MGAT4C: variants seen among roughly 807,000 people sequenced by gnomAD.
The protein encoded by MGAT4C is alpha-1,3-mannosyl-glycoprotein 4-beta-N-acetylglucosaminyltransferase C.
Under a neutral mutation model 40.1 loss-of-function variants are expected in MGAT4C, and 19 were observed. That is an observed-to-expected ratio of 0.47 (90% CI 0.33 to 0.70). The LOEUF is 0.70. Among genes scored for constraint, MGAT4C ranks in the 30% least tolerant of loss-of-function variants. The probability of loss-of-function intolerance (pLI) is 0.02; values close to 1 mark genes in which losing one functional copy is unlikely to be tolerated. For synonymous variants in MGAT4C, 181 were observed against 187.1 expected (o/e 0.97, Z 0.27); for missense variants, 491 against 563.2 (o/e 0.87, Z 1.30).
At chr12:86,561,325 G>T (rs990624633) in intron 2 of MGAT4C, among the ~76,000 whole-genome samples, 1 of 152,164 alleles carries the variant, frequency 6.6e-6, no homozygotes, top group Non-Finnish European at 1.5e-5. Context: ...TTGTTCCTGG[G>T]TGTGTCTGAG....
intron 2 of MGAT4C, among the ~76,000 whole-genome samples, chr12:86,630,130 C>T (rs370825410): frequency 5.3e-5 from 8 of 152,180 alleles, no homozygotes; most frequent in East Asian, 3.9e-4. Flanking sequence ...AACACCTCTA[C>T]GCAAATAGAC....
chr12:86,136,241 G>A (rs142151462), intron 1 of MGAT4C, among the ~76,000 whole-genome samples: 119 of 152,066 alleles, frequency 7.8e-4, no homozygotes, highest in Admixed American at 1.3e-3. Context: ...AAAAACAGGG[G>A]CTCTATTTGG....
At chr12:86,494,083 A>G (rs1017526991) in intron 2 of MGAT4C, among the ~76,000 whole-genome samples, 2 of 151,994 alleles carry the variant, frequency 1.3e-5, no homozygotes, top group African/African-American at 2.4e-5. Flanking sequence ...AAGATGTAAA[A>G]CCTTTCATTC....
intron 2 of MGAT4C, among the ~76,000 whole-genome samples, chr12:86,517,884 G>A (rs781554292): frequency 5.3e-5 from 8 of 152,072 alleles, no homozygotes; most frequent in Non-Finnish European, 1.0e-4. Context: ...TCCTGACCTC[G>A]TGATCTGCCT....
chr12:86,837,008 A>G (rs1037224402), intron 1 of MGAT4C, among the ~76,000 whole-genome samples: 3 of 152,164 alleles, frequency 2.0e-5, no homozygotes, highest in African/African-American at 7.2e-5. Context: ...TCTGAAAGTC[A>G]TAAGCCATCG....
At chr12:86,242,325 C>T (rs753718905) in intron 1 of MGAT4C, among the ~76,000 whole-genome samples, 2 of 152,142 alleles carry the variant, frequency 1.3e-5, no homozygotes, top group East Asian at 1.9e-4. Context: ...TCAGCTCACT[C>T]GCCACGAAGC....
intron 2 of MGAT4C, among the ~76,000 whole-genome samples, chr12:86,028,806 C>T (rs1007139224): frequency 6.6e-6 from 1 of 151,754 alleles, no homozygotes; most frequent in African/African-American, 2.4e-5. Context: ...AAAACAAAAG[C>T]ACTGAGAAAG....
At chr12:86,021,140 G>A (rs1313063658) in intron 2 of MGAT4C, among the ~76,000 whole-genome samples, 1 of 152,128 alleles carries the variant, frequency 6.6e-6, no homozygotes, top group African/African-American at 2.4e-5. Flanking sequence ...ACTGTTGGTT[G>A]GACTGTAAAC....
At chr12:86,158,115 A>G (rs1467097914) in intron 1 of MGAT4C, among the ~76,000 whole-genome samples, 3 of 152,164 alleles carry the variant, frequency 2.0e-5, no homozygotes, top group African/African-American at 7.2e-5. Flanking sequence ...ATTACTTTAC[A>G]TATATATATC....
chr12:86,291,317 C>A (rs1353593364), intron 4 of MGAT4C, among the ~76,000 whole-genome samples: 2 of 152,174 alleles, frequency 1.3e-5, no homozygotes, highest in Admixed American at 1.3e-4. Context: ...TGGACATGAG[C>A]ATGAACATGA....
chr12:86,212,906 AAAAAAAAAAAAAAAAG>A lies in MGAT4C; in HGVS notation c.-57+43317_-57+43332del, dbSNP rs1488684249. ...GACTCCGTCTCAAAAAAAAAAAAAAAAAAAAAAAAAAAAAAGAACACTCATTAACTGTTAGTGAGAT... is the reference window on the plus strand; with the variant it reads ...GACTCCGTCTCAAAAAAAAAAAAAAAAACACTCATTAACTGTTAGTGAGAT... On this transcript the variant is annotated intron_variant, in intron 1 of 4. Coordinates refer to ENST00000611864, the MANE Select transcript of MGAT4C (RefSeq NM_001351288.2). Among the ~76,000 whole-genome samples, 129 of 146,712 alleles carry A rather than the reference AAAAAAAAAAAAAAAAG, an allele frequency of 8.8e-4. 4 individuals carry two copies. Among genetic ancestry groups the A allele is most frequent in the African/African-American group, 1.1e-3 (45 of 40,504 alleles).
rs1159593477 is a variant in MGAT4C at position 86,383,549 on chromosome 12, CAAAAAAA to C, written c.-119-49429_-119-49423del. Among the ~76,000 whole-genome samples, 278 of 49,852 alleles carry C rather than the reference CAAAAAAA, an allele frequency of 5.6e-3. 2 individuals carry two copies. The highest frequency in any genetic ancestry group is 0.027 in the African/African-American group (265 of 9,788). The allele number at this position is 49,852 out of a possible 152,430, so 32.7% of individuals were successfully genotyped here. A position where few individuals can be genotyped will look rare whatever the true frequency, so the allele number is the denominator to read the frequency against. ...CTGGTGACAGAGCGACACTTCGTCT[CAAAAAAA>C]AAAAAAAAAAAAAAAAAAAACAGAA... On this transcript the variant is annotated intron_variant, in intron 3 of 7. Coordinates refer to the MGAT4C transcript ENST00000548651.
rs964677938 is a variant in MGAT4C, at chr12:86,540,740, A to AAG, written c.-228-105477_-228-105476dup. On this transcript the variant is annotated intron_variant, in intron 2 of 7. Transcript: ENST00000548651. ...GACAGAGTGAGACTCCATCTCCAGA[A>AAG]AGAGAGAGAGAGAGAGAGAGAGAAA... Among the ~76,000 whole-genome samples the AAG allele has an allele frequency of 2.8e-3, 426 of 150,442 alleles. 3 individuals carry two copies. The highest frequency in any genetic ancestry group is 0.01 in the Middle Eastern group (3 of 292).
intron 2 of MGAT4C, among the ~76,000 whole-genome samples, chr12:86,501,245 G>A (rs1958335007): frequency 6.6e-6 from 1 of 152,076 alleles, no homozygotes; most frequent in East Asian, 1.9e-4. Flanking sequence ...AATGTTTCTA[G>A]AAGATAACAA....
chr12:86,421,821 A>G (rs1956832858), intron 3 of MGAT4C, among the ~76,000 whole-genome samples: 1 of 152,200 alleles, frequency 6.6e-6, no homozygotes, highest in Non-Finnish European at 1.5e-5. Flanking sequence ...TAAAATATAA[A>G]GAGAAAAATA....
intron 1 of MGAT4C, among the ~76,000 whole-genome samples, chr12:86,787,853 C>T (rs1205501515): frequency 6.6e-6 from 1 of 152,120 alleles, no homozygotes; most frequent in Non-Finnish European, 1.5e-5. Context: ...CTTAAGCCAT[C>T]CTTCCACCTC....
rs540151017 is a variant in MGAT4C, at chr12:86,139,557, A to G, written c.-56-89834T>C. Reference sequence around the variant, plus strand: ...TCATTATATAAGTAAAATATAACTTATTTACCCATTCCAATGTTGATGGGT... The same window carrying G: ...TCATTATATAAGTAAAATATAACTTGTTTACCCATTCCAATGTTGATGGGT... On this transcript the variant is annotated intron_variant, in intron 1 of 4. Coordinates refer to ENST00000611864, the MANE Select transcript of MGAT4C (RefSeq NM_001351288.2). Among the ~76,000 whole-genome samples, 4 of 152,170 alleles carry G rather than the reference A, an allele frequency of 2.6e-5. No homozygotes were observed. The East Asian group carries it at 5.8e-4, about 22-fold the overall frequency.
chr12:86,240,807 T>A (rs1263481068), intron 1 of MGAT4C, among the ~76,000 whole-genome samples: 1 of 152,178 alleles, frequency 6.6e-6, no homozygotes, highest in Non-Finnish European at 1.5e-5. Flanking sequence ...ATGATAATTT[T>A]AAATAATACA....
chr12:86,650,661 T>A (rs1374521813), intron 2 of MGAT4C, among the ~76,000 whole-genome samples: 1 of 151,920 alleles, frequency 6.6e-6, no homozygotes, highest in African/African-American at 2.4e-5. Context: ...TTATCTGTGA[T>A]TCTTGTAGAG....
Sources: allele counts gnomAD v4.1 joint callset (sites outside exome capture counted in the v4.1 genomes callset), GRCh38; gene constraint gnomAD v4.1.1; transcripts MANE v1.5; gene names NCBI Gene and HGNC (gene_info 2026-07-23, HGNC 2026-07-21).